Variants in GSE1 observed in about 807,000 individuals in gnomAD.
GSE1 encodes genetic suppressor element 1.
A neutral mutation model predicts 112.6 loss-of-function variants in GSE1; 32 were observed. That is an observed-to-expected ratio of 0.28 (90% CI 0.21 to 0.38). GSE1 has a LOEUF of 0.38. GSE1 is among the 10% of genes least tolerant of loss of function. The probability of loss-of-function intolerance (pLI) is 1.00; values close to 1 mark genes in which losing one functional copy is unlikely to be tolerated. For synonymous variants in GSE1, 1,115 were observed against 735.6 expected, an observed-to-expected ratio of 1.52 and a Z score of -8.35; for missense variants, 2,348 against 1,699.2, an observed-to-expected ratio of 1.38 and a Z score of -6.71.
Position 85,549,910 on chromosome 16 carries a change from G to A in GSE1, c.2465-84004G>A, listed in dbSNP as rs963367302. 2.0e-5 allele frequency among the ~76,000 whole-genome samples: 3 copies of A among 152,326 alleles called. No individual in the cohort carries two copies. The East Asian group carries it at 5.8e-4, about 29-fold the overall frequency. ...CTCAAGGGGAGGGGATGCTGGGGCAGGTCGTAAGTAAGATGACATCGTAGG... is the reference window on the plus strand; with the variant it reads ...CTCAAGGGGAGGGGATGCTGGGGCAAGTCGTAAGTAAGATGACATCGTAGG... On this transcript the variant is annotated intron_variant, in intron 2 of 2. Coordinates refer to the GSE1 transcript ENST00000637419.
intron 2 of GSE1, among the ~76,000 whole-genome samples, chr16:85,385,830 G>A (rs2047676469): frequency 6.6e-6 from 1 of 152,170 alleles, no homozygotes; most frequent in African/African-American, 2.4e-5. Context: ...GAATGACCGC[G>A]GGTGACCCCC....
At chr16:85,630,713 C>G (rs1165140897) in intron 1 of GSE1, among the ~76,000 whole-genome samples, 6 of 152,222 alleles carry the variant, frequency 3.9e-5, no homozygotes. Context: ...CATGGTTGGG[C>G]CGTGTACTGG....
chr16:85,196,434 C>CGT (rs1240939260), intron 1 of GSE1, among the ~76,000 whole-genome samples: 10 of 152,106 alleles, frequency 6.6e-5, no homozygotes, highest in Non-Finnish European at 1.5e-4. Flanking sequence ...GTCAAGTTCA[C>CGT]GTGTGCACTC....
chr16:85,474,703 C>A (rs891376314), intron 2 of GSE1, among the ~76,000 whole-genome samples: 1 of 147,282 alleles, frequency 6.8e-6, no homozygotes, highest in African/African-American at 2.5e-5. Context: ...TGTGCCCCTT[C>A]CCCTCCTCCC....
chr16:85,605,672 A>G (rs575909279), intron 1 of GSE1, among the ~76,000 whole-genome samples: 6 of 150,948 alleles, frequency 4.0e-5, no homozygotes, highest in Non-Finnish European at 8.9e-5. Context: ...CGGGGGGGCC[A>G]CCGGCTGTGC....
rs535929970 is a variant in GSE1, at chr16:85,508,705, A to G, written c.2465-125209A>G. Reference sequence around the variant, plus strand: ...GGGGAGGCTGCTGCTTGTGCTCAGTATGCTGGTGGAGACTGGTGTGCTGGT... The same window carrying G: ...GGGGAGGCTGCTGCTTGTGCTCAGTGTGCTGGTGGAGACTGGTGTGCTGGT... On this transcript the variant is annotated intron_variant, in intron 2 of 2. Transcript: ENST00000637419. Among the ~76,000 whole-genome samples the G allele has an allele frequency of 5.9e-5, 9 of 152,284 alleles. No individual in the cohort carries two copies. The East Asian group carries it at 1.7e-3, about 29-fold the overall frequency.
intron 1 of GSE1, among the ~76,000 whole-genome samples, chr16:85,254,208 T>C (rs906850012): frequency 6.6e-6 from 1 of 152,158 alleles, no homozygotes; most frequent in Non-Finnish European, 1.5e-5. Context: ...GTCAAGTGAC[T>C]AGCCTGGGGT....
At chr16:85,399,815 C>A (rs75558748) in intron 2 of GSE1, among the ~76,000 whole-genome samples, 3,731 of 152,308 alleles carry the variant, frequency 0.024, 208 homozygotes, top group Admixed American at 0.13. Context: ...GAGCCCCTGG[C>A]AGGTGGTGAG....
chr16:85,425,141 C>T (rs1357163487), intron 2 of GSE1, among the ~76,000 whole-genome samples: 1 of 152,256 alleles, frequency 6.6e-6, no homozygotes, highest in Non-Finnish European at 1.5e-5. Context: ...CAGCCACTTG[C>T]ATCCCTGGCT....
rs189439287 is a variant in GSE1 at position 85,193,113 on chromosome 16, A to G, written c.2283+21306A>G. Among the ~76,000 whole-genome samples, 90 of 152,306 alleles carry G rather than the reference A, an allele frequency of 5.9e-4. 1 individual carries two copies. The highest frequency in any genetic ancestry group is 2.0e-3 in the African/African-American group (84 of 41,568). On this transcript the variant is annotated intron_variant, in intron 1 of 2. Transcript: ENST00000637419. ...ACAGTGTACCCAGCCATCGGACTTC[A>G]AAACGGGTTTCCTTTTCTGGACTAT... is the stretch of plus-strand genomic sequence containing the variant.
At chr16:85,518,627 C>T (rs1164293570) in intron 2 of GSE1, among the ~76,000 whole-genome samples, 1 of 152,100 alleles carries the variant, frequency 6.6e-6, no homozygotes, top group Admixed American at 6.5e-5. Context: ...ACAGCAGCGC[C>T]TCAGTGCTGC....
At chr16:85,177,325 G>T (rs2074487801) in intron 1 of GSE1, among the ~76,000 whole-genome samples, 1 of 152,194 alleles carries the variant, frequency 6.6e-6, no homozygotes, top group South Asian at 2.1e-4. Context: ...CCTTTTATTG[G>T]CTGGGGAAGA....
At chr16:85,629,828 C>T (rs1175501055) in intron 1 of GSE1, among the ~76,000 whole-genome samples, 1 of 152,098 alleles carries the variant, frequency 6.6e-6, no homozygotes, top group Non-Finnish European at 1.5e-5. Flanking sequence ...AGGGGGCGGC[C>T]TGGATTAATA....
intron 2 of GSE1, among the ~76,000 whole-genome samples, chr16:85,530,086 T>A (rs10863212): frequency 6.6e-6 from 1 of 151,990 alleles, no homozygotes; most frequent in Non-Finnish European, 1.5e-5. Context: ...TGAAGCCTGG[T>A]AGGAAATGGC....
chr16:85,564,025 TG>T (rs1178867962), intron 1 of GSE1, among the ~76,000 whole-genome samples: 6 of 152,132 alleles, frequency 3.9e-5, no homozygotes, highest in Admixed American at 3.3e-4. Context: ...CTTGCGCCAG[TG>T]GGTGCCGGGC....
upstream of GSE1, among the ~76,000 whole-genome samples, chr16:85,553,370 G>C (rs1190276916): frequency 6.6e-6 from 1 of 151,396 alleles, no homozygotes; most frequent in African/African-American, 2.4e-5. Flanking sequence ...CGGAAACAAA[G>C]GGCCGCCGGC....
intron 1 of GSE1, among the ~76,000 whole-genome samples, chr16:85,326,113 CTACTT>C (rs1213492888): frequency 6.6e-6 from 1 of 152,114 alleles, no homozygotes; most frequent in Non-Finnish European, 1.5e-5. Context: ...CTGACGGTGT[CTACTT>C]TAACAAGATC....
At chr16:85,237,768 G>T (rs1003564493) in intron 1 of GSE1, among the ~76,000 whole-genome samples, 1 of 151,372 alleles carries the variant, frequency 6.6e-6, no homozygotes, top group African/African-American at 2.4e-5. Context: ...AACCCAGGAG[G>T]CGGAGCTTGT....
At chr16:85,462,119 G>A (rs1567506214) in intron 2 of GSE1, among the ~76,000 whole-genome samples, 1 of 151,744 alleles carries the variant, frequency 6.6e-6, no homozygotes, top group South Asian at 2.1e-4. Flanking sequence ...TGTGGGCACC[G>A]GAGCTACACA....
Sources: allele counts gnomAD v4.1 joint callset (sites outside exome capture counted in the v4.1 genomes callset), GRCh38; gene constraint gnomAD v4.1.1; transcripts MANE v1.5; gene names NCBI Gene and HGNC (gene_info 2026-07-23, HGNC 2026-07-21).